The following DLGAP1 variants were observed in gnomAD, a reference collection of about 807,000 sequenced individuals.
DLGAP1 encodes the protein DLG associated protein 1.
Under a neutral mutation model 90.8 loss-of-function variants are expected in DLGAP1, and 11 were observed. That is an observed-to-expected ratio of 0.12 (90% confidence interval 0.08 to 0.20). The LOEUF is 0.20. Among genes scored for constraint, DLGAP1 ranks in the 10% least tolerant of loss-of-function variants. The pLI, the probability that DLGAP1 is intolerant of heterozygous loss-of-function variation, is 1.00. For missense variants in DLGAP1, 1,050 were observed against 1,333.8 expected (o/e 0.79, Z 3.31); for synonymous variants, 558 against 540.7 (o/e 1.03, Z -0.44).
intron 1 of DLGAP1, among the ~76,000 whole-genome samples, chr18:4,238,688 T>C (rs1344354549): frequency 6.6e-6 from 1 of 152,178 alleles, no homozygotes; most frequent in Non-Finnish European, 1.5e-5. Flanking sequence ...AGCAGCACTA[T>C]TAATTCTAAT....
intron 3 of DLGAP1, among the ~76,000 whole-genome samples, chr18:3,964,505 G>A (rs1047064912): frequency 3.9e-5 from 6 of 152,174 alleles, no homozygotes; most frequent in Non-Finnish European, 8.8e-5. Context: ...GACAGAGTGA[G>A]CAATGCTGGG....
rs186047117 is a variant in DLGAP1 at position 4,435,738 on chromosome 18, A to G, written c.-267+19268T>C. 2.0e-3 allele frequency among the ~76,000 whole-genome samples: 299 copies of G among 152,340 alleles called. 2 individuals carry two copies. Among genetic ancestry groups the G allele is most frequent in the Non-Finnish European group, 2.1e-3 (146 of 68,034 alleles). ...ACTCTGCAAAAATGTAATTCTGGAG[A>G]GATAAAAGCTGCCCAACTTCTGAAT... On this transcript the variant is annotated intron_variant, in intron 1 of 12. Transcript: ENST00000315677.
At chr18:4,322,523 A>T (rs2080716741) in intron 1 of DLGAP1, among the ~76,000 whole-genome samples, 1 of 152,330 alleles carries the variant, frequency 6.6e-6, no homozygotes, top group Middle Eastern at 3.4e-3. Flanking sequence ...TAAACGTAAG[A>T]CCTGAAATTG....
At chr18:3,529,294 C>A (rs1002245487) in intron 10 of DLGAP1, among the ~76,000 whole-genome samples, 2 of 152,134 alleles carry the variant, frequency 1.3e-5, no homozygotes, top group Non-Finnish European at 2.9e-5. Flanking sequence ...AGCAAGAAGG[C>A]GCCATCTTTG....
intron 1 of DLGAP1, among the ~76,000 whole-genome samples, chr18:4,444,761 A>G (rs543710826): frequency 6.6e-6 from 1 of 152,322 alleles, no homozygotes; most frequent in Non-Finnish European, 1.5e-5. Context: ...AAAAATATAC[A>G]GTATGGTTAA....
At chr18:3,745,232 G>A (rs1346653251) in intron 5 of DLGAP1, among the ~76,000 whole-genome samples, 6 of 152,304 alleles carry the variant, frequency 3.9e-5, no homozygotes, top group African/African-American at 1.2e-4. Context: ...AGGGTATGGA[G>A]TTTCTCTTTG....
intron 9 of DLGAP1, among the ~76,000 whole-genome samples, chr18:3,544,249 T>G (rs1189138665): frequency 6.6e-6 from 1 of 151,898 alleles, no homozygotes; most frequent in African/African-American, 2.4e-5. Flanking sequence ...CTTAGCCAGG[T>G]GTGGTGGCAT....
intron 4 of DLGAP1, among the ~76,000 whole-genome samples, chr18:3,817,701 T>C (rs112311868): frequency 0.014 from 2,113 of 152,312 alleles, 42 homozygotes; most frequent in African/African-American, 0.047. Flanking sequence ...GCATATAAAG[T>C]GATAAGCATA....
chr18:3,732,601 T>A (rs2062480668), intron 6 of DLGAP1, among the ~76,000 whole-genome samples: 1 of 152,242 alleles, frequency 6.6e-6, no homozygotes, highest in Non-Finnish European at 1.5e-5. Flanking sequence ...AAATATTTGA[T>A]GGTTTTAAGT....
intron 9 of DLGAP1, among the ~76,000 whole-genome samples, chr18:3,536,574 G>A (rs1406600557): frequency 6.6e-6 from 1 of 152,066 alleles, no homozygotes; most frequent in African/African-American, 2.4e-5. Flanking sequence ...TCATTTGCCT[G>A]GTAAAGGTTT....
In DLGAP1 at chr18:3,800,809, G is replaced by GT. The variant is rs1244383514; in HGVS notation, c.1172+13249dup. ...GGTATGGTGTATATTGGAGAATGGC[G>GT]TATCACTACGGCAAGCAAGACAAAA... On this transcript the variant is annotated intron_variant, in intron 5 of 12. Transcript: ENST00000315677. 2.0e-5 allele frequency among the ~76,000 whole-genome samples: 3 copies of GT among 152,208 alleles called. No individual in the cohort carries two copies. In the East Asian group the frequency reaches 5.8e-4, roughly 29 times the overall value.
rs1243224484 is a variant in DLGAP1, at chr18:3,565,614, T to G, written c.2057+1876A>C. Among the ~76,000 whole-genome samples the G allele has an allele frequency of 1.3e-5, 2 of 151,474 alleles. No individual in the cohort carries two copies. The highest frequency in any genetic ancestry group is 2.9e-5 in the Non-Finnish European group (2 of 67,874). On this transcript the variant is annotated intron_variant, in intron 9 of 12. Transcript: ENST00000315677. This position sits in a 1 kb window ranked among gnomAD's most constrained non-coding sequence, Gnocchi z 4.0. ...ACTTTGGGAAGCCAAGGCGGGTGGA[T>G]CACAAGGTCAAGATGATCGAAACCA...
intron 4 of DLGAP1, chr18:3,845,678 T>C: frequency 1.1e-6 from 1 of 892,142 alleles, no homozygotes; most frequent in Non-Finnish European, 1.3e-6. Flanking sequence ...GTATATTCTG[T>C]CAAATGGAAG....
intron 3 of DLGAP1, among the ~76,000 whole-genome samples, chr18:3,947,008 C>A (rs2072890362): frequency 6.6e-6 from 1 of 152,090 alleles, no homozygotes; most frequent in Non-Finnish European, 1.5e-5. Context: ...TTGTTTTATT[C>A]TTTGAATGGG....
chr18:3,584,713 G>A (rs533823185), intron 7 of DLGAP1, among the ~76,000 whole-genome samples: 4 of 152,102 alleles, frequency 2.6e-5, no homozygotes, highest in African/African-American at 4.8e-5. Context: ...CCCAGCCCAG[G>A]AGAACTTCCC....
At chr18:3,684,419 T>C (rs395282) in intron 7 of DLGAP1, among the ~76,000 whole-genome samples, 87,340 of 147,544 alleles carry the variant, frequency 0.59, 27,466 homozygotes, top group African/African-American at 0.81. Flanking sequence ...AGGCTGGTCT[T>C]GAACTCTTGA....
intron 2 of DLGAP1, among the ~76,000 whole-genome samples, chr18:4,144,328 T>C (rs977282348): frequency 6.6e-6 from 1 of 152,184 alleles, no homozygotes; most frequent in Admixed American, 6.5e-5. Context: ...CTAGTCTAAG[T>C]GCTGCCTTCA....
rs574426826 is a variant in DLGAP1 at position 3,628,993 on chromosome 18, G to A, written c.1592-46745C>T. Among the ~76,000 whole-genome samples the A allele has an allele frequency of 5.9e-5, 9 of 152,130 alleles. No homozygotes were observed. In the South Asian group the frequency reaches 8.3e-4, roughly 14 times the overall value. ...TAAAAGACTTTTCTAGAAAATGTTC[G>A]GGTTGTTTGCTATGAGTTTCTTCAT... is the stretch of plus-strand genomic sequence containing the variant. On this transcript the variant is annotated intron_variant, in intron 7 of 12. Transcript: ENST00000315677.
chr18:4,218,738 T>C (rs960910223), intron 1 of DLGAP1, among the ~76,000 whole-genome samples: 3 of 151,936 alleles, frequency 2.0e-5, no homozygotes, highest in Non-Finnish European at 4.4e-5. Flanking sequence ...GTCTGGCTTA[T>C]TTCACTTAGC....
Sources: gnomAD v4.1 joint callset for allele counts (sites outside exome capture counted in the v4.1 genomes callset) on GRCh38, gnomAD v4.1.1 for gene constraint, Gnocchi (gnomAD v3.1) non-coding constraint, MANE v1.5 for transcripts, NCBI Gene and HGNC (gene_info 2026-07-23, HGNC 2026-07-21) for gene names.